LRRC43: variants seen among roughly 807,000 people sequenced by gnomAD.
LRRC43 encodes leucine rich repeat containing 43.
LRRC43 carries 62 observed loss-of-function variants against 64.3 expected under a neutral mutation model. That is an observed-to-expected ratio of 0.96 (90% CI 0.79 to 1.19). The LOEUF (loss-of-function observed/expected upper bound fraction) is 1.19, where lower values mean the gene tolerates loss of function less well. LRRC43 is among the 50% of genes most tolerant of loss of function. LRRC43 has a pLI of 0.00. For missense variants in LRRC43, 868 were observed against 845.0 expected (o/e 1.03, Z -0.34); for synonymous variants, 422 against 382.3 (o/e 1.10, Z -1.21).
Position 122,203,356 on chromosome 12 carries a change from C to A in LRRC43, c.1885C>A (p.His629Asn). Residue 629 changes from histidine to asparagine, a missense_variant, in exon 12 of 12, where the codon CAC becomes AAC. Transcript: ENST00000339777. Reference protein sequence around the residue: ...AVIPIYEGDYHPEPLTVEVQI... With the variant: ...AVIPIYEGDYNPEPLTVEVQI... Reference sequence around the variant, plus strand: ...GATTCCGATCTACGAAGGCGATTACCACCCTGAGCCCCTGACCGTAGAGGT... The same window carrying A: ...GATTCCGATCTACGAAGGCGATTACAACCCTGAGCCCCTGACCGTAGAGGT... 1.2e-6 allele frequency: 2 copies of A among 1,613,420 alleles called. No homozygotes were observed. The highest frequency in any genetic ancestry group is 1.7e-6 in the Non-Finnish European group (2 of 1,179,942).
At chr12:122,172,656 T>C (rs1953496779) in intron 1 of LRRC43, 1 of 1,614,040 alleles carries the variant, frequency 6.2e-7, no homozygotes, top group Non-Finnish European at 8.5e-7. Flanking sequence ...GGCTGGGCTG[T>C]GGATGTTGTT....
Position 122,184,731 on chromosome 12 carries a change from C to T in LRRC43, c.363C>T (p.Asp121=), listed in dbSNP as rs761218989. The change falls in exon 2 of 12, where the codon GAC becomes GAT. Residue 121 remains aspartate (D), a synonymous_variant. Transcript: ENST00000339777. This position sits in a 1 kb window ranked among gnomAD's most constrained non-coding sequence, Gnocchi z 4.0. ...LAIRNPLTIT[D]TFFYSYFRSL... ...TCCGGAACCCGCTGACGATCACAGACACCTTCTTCTACTCCTACTTCCGGT... is the reference window on the plus strand; with the variant it reads ...TCCGGAACCCGCTGACGATCACAGATACCTTCTTCTACTCCTACTTCCGGT... 5 of 1,613,182 alleles carry T rather than the reference C, an allele frequency of 3.1e-6. No homozygotes were observed. The East Asian group carries it at 1.1e-4, about 36-fold the overall frequency.
chr12:122,186,938 A>G (rs972474609), intron 3 of LRRC43, among the ~76,000 whole-genome samples: 6 of 151,564 alleles, frequency 4.0e-5, no homozygotes, highest in African/African-American at 1.5e-4. Context: ...TCCATTCAAT[A>G]GAATGCTATT....
chr12:122,169,747 A>G (rs556447490), intron 1 of LRRC43, among the ~76,000 whole-genome samples: 2 of 149,758 alleles, frequency 1.3e-5, no homozygotes, highest in Admixed American at 6.7e-5. Flanking sequence ...AAAGAATTCT[A>G]TAAGGAACAT....
Position 122,200,477 on chromosome 12 carries a change from C to A in LRRC43, c.1492-55C>A. The A allele has an allele frequency of 6.2e-7, 1 of 1,611,444 alleles. No individual in the cohort carries two copies. Among genetic ancestry groups the A allele is most frequent in the Non-Finnish European group, 8.5e-7 (1 of 1,177,864 alleles). On this transcript the variant is annotated intron_variant, in intron 8 of 11. Coordinates refer to ENST00000339777, the MANE Select transcript of LRRC43 (RefSeq NM_001098519.2). The surrounding 1 kb of genome is among the most constrained non-coding windows in gnomAD (Gnocchi z 4.6). ...TCCAGAAAGGGTGAGGGAGAGGTGA[C>A]CCCAGGCAGCCCGCCTGGGCCTCTG...
Position 122,190,352 on chromosome 12 carries a change from G to C in LRRC43, c.885G>C (p.Gly295=), listed in dbSNP as rs376552948. The change falls in exon 5 of 12, where the codon GGG becomes GGC. Residue 295 remains glycine (G), a synonymous_variant. Transcript: ENST00000339777. ...VSPNEKHLFR[G]LSLNGDLLAQ... ...CCAATGAGAAGCATCTCTTCCGGGG[G>C]CTCAGCCTCAATGGCGGTGAGGGTA... 17 of 1,613,588 alleles carry C rather than the reference G, an allele frequency of 1.1e-5. No individual in the cohort carries two copies. Among genetic ancestry groups the C allele is most frequent in the East Asian group, 2.2e-5 (1 of 44,874 alleles).
upstream of LRRC43, among the ~76,000 whole-genome samples, chr12:122,178,322 C>T (rs1417265785): frequency 1.3e-5 from 2 of 152,146 alleles, no homozygotes; most frequent in East Asian, 3.9e-4. Flanking sequence ...AACAACCTCT[C>T]CTGTAACAAC....
At chr12:122,170,099 G>A (rs1011103635) in intron 1 of LRRC43, among the ~76,000 whole-genome samples, 13 of 152,064 alleles carry the variant, frequency 8.5e-5, no homozygotes, top group African/African-American at 1.7e-4. Context: ...GAGACACCAC[G>A]GCTGGCCCAA....
chr12:122,173,800 A>AT, intron 1 of LRRC43: 2 of 1,580,348 alleles, frequency 1.3e-6, no homozygotes, highest in Non-Finnish European at 1.7e-6. Context: ...AATGGAAGGC[A>AT]TTTTTAAGAA....
In LRRC43 at chr12:122,200,318, C is replaced by T. The variant is rs770892060; in HGVS notation, c.1479C>T (p.Ile493=). 6.2e-6 allele frequency: 10 copies of T among 1,610,946 alleles called. No homozygotes were observed. The Admixed American group carries it at 6.7e-5, about 11-fold the overall frequency. The change falls in exon 8 of 12, where the codon ATC becomes ATT. Residue 493 remains isoleucine, a synonymous_variant. Transcript: ENST00000339777. This position sits in a 1 kb window ranked among gnomAD's most constrained non-coding sequence, Gnocchi z 4.6. ...AFLLAGTTVT[I]VEEKILSWPV... ...TGCTGGCGGGGACCACCGTGACCATCGTGGAGGAGAAGGTGGGCAGGCGGA... is the reference window on the plus strand; with the variant it reads ...TGCTGGCGGGGACCACCGTGACCATTGTGGAGGAGAAGGTGGGCAGGCGGA...
Position 122,190,270 on chromosome 12 carries a change from G to A in LRRC43, c.803G>A (p.Gly268Asp), listed in dbSNP as rs1187168781. Residue 268 changes from glycine (G) to aspartate (D), a missense_variant, in exon 5 of 12, where the codon GGC becomes GAC. Gly to Asp is a moderately conservative substitution (Grantham distance 94). Coordinates refer to ENST00000339777, the MANE Select transcript of LRRC43 (RefSeq NM_001098519.2). ...CTGGCCTTGGTGCCCTACTACCGCG[G>A]CCTCACCATCGACAGCCTGGCCCAG... ...NPLALVPYYR[G>D]LTIDSLAQLC... 1 of 1,614,164 alleles carries A rather than the reference G, an allele frequency of 6.2e-7. No individual in the cohort carries two copies. Among genetic ancestry groups the A allele is most frequent in the Admixed American group, 1.7e-5 (1 of 60,024 alleles).
chr12:122,190,262 CTACCGCGG>C lies in LRRC43; in HGVS notation c.796_803del (p.Tyr266ProfsTer21). The C allele has an allele frequency of 1.2e-6, 2 of 1,614,210 alleles. No individual in the cohort carries two copies. Among genetic ancestry groups the C allele is most frequent in the Non-Finnish European group, 1.7e-6 (2 of 1,180,044 alleles). ...GAAACCCACTGGCCTTGGTGCCCTA[CTACCGCGG>C]CCTCACCATCGACAGCCTGGCCCAG... On this transcript the variant is annotated frameshift_variant, in exon 5 of 12. Coordinates refer to ENST00000339777, the MANE Select transcript of LRRC43 (RefSeq NM_001098519.2). LOFTEE classifies it high-confidence loss of function.
chr12:122,191,278 G>A (rs1953714764), intron 5 of LRRC43, 102 bp from the exon 6 acceptor site: 2 of 986,808 alleles, frequency 2.0e-6, no homozygotes, highest in Admixed American at 5.4e-5. Flanking sequence ...AGCCCTGAGT[G>A]CTGGAGAGAA....
Position 122,191,492 on chromosome 12 carries a change from C to G in LRRC43, c.1014C>G (p.Tyr338Ter), listed in dbSNP as rs377355304. The G allele has an allele frequency of 3.1e-6, 5 of 1,614,126 alleles. No homozygotes were observed. The East Asian group carries it at 8.9e-5, about 29-fold the overall frequency. The change falls in exon 6 of 12, where the codon TAC (tyrosine) becomes TAG (stop). Residue 338 changes from tyrosine (Y) to a stop codon, truncating the protein, a stop_gained. Coordinates refer to ENST00000339777, the MANE Select transcript of LRRC43 (RefSeq NM_001098519.2). LOFTEE classifies it high-confidence loss of function. ...EPRPEGPFIT[Y>*]NYYVTYDFVK... ...GGCCCGAAGGCCCTTTCATCACTTACAACTATTACGTGACCTATGATTTTG... is the reference window on the plus strand; with the variant it reads ...GGCCCGAAGGCCCTTTCATCACTTAGAACTATTACGTGACCTATGATTTTG...
At chr12:122,195,614 AT>A (rs1406421229) in intron 7 of LRRC43, among the ~76,000 whole-genome samples, 1 of 151,940 alleles carries the variant, frequency 6.6e-6, no homozygotes, top group Non-Finnish European at 1.5e-5. Flanking sequence ...TCAGCTGTTC[AT>A]CTTATTGGGA....
chr12:122,175,265 G>C (rs1310377584), intron 1 of LRRC43, among the ~76,000 whole-genome samples: 2 of 151,912 alleles, frequency 1.3e-5, no homozygotes, highest in Non-Finnish European at 2.9e-5. Flanking sequence ...CACTTCCCAG[G>C]TTCAAGCAAT....
At chr12:122,172,394 C>A in intron 1 of LRRC43, 1 of 1,580,948 alleles carries the variant, frequency 6.3e-7, no homozygotes, top group Non-Finnish European at 8.6e-7. Context: ...CCTGCCAATC[C>A]GAAAGGAAGA....
At chr12:122,195,519 G>A (rs1055991859) in intron 7 of LRRC43, among the ~76,000 whole-genome samples, 2 of 152,150 alleles carry the variant, frequency 1.3e-5, no homozygotes, top group Non-Finnish European at 2.9e-5. Context: ...GAGATTACAG[G>A]TGTGAGCCAC....
chr12:122,184,646 C>G lies in LRRC43; in HGVS notation c.278C>G (p.Ser93Cys), dbSNP rs777230754. Residue 93 changes from serine (S) to cysteine (C), a missense_variant, in exon 2 of 12, where the codon TCC (serine) becomes TGC (cysteine). Coordinates refer to ENST00000339777, the MANE Select transcript of LRRC43 (RefSeq NM_001098519.2). The surrounding 1 kb of genome is among the most constrained non-coding windows in gnomAD (Gnocchi z 4.0). Reference sequence around the variant, plus strand: ...CTGGGCCTGGTCCGCAGCCGCCACTCCCCCTGGGCTCTGCTGAACAACTCG... The same window carrying G: ...CTGGGCCTGGTCCGCAGCCGCCACTGCCCCTGGGCTCTGCTGAACAACTCG... ...ALLGLVRSRH[S>C]PWALLNNSNA... is the part of the protein sequence containing the mutation. 1.9e-6 allele frequency: 3 copies of G among 1,613,982 alleles called. No homozygotes were observed. Among genetic ancestry groups the G allele is most frequent in the Admixed American group, 3.3e-5 (2 of 60,018 alleles).
Sources: gnomAD v4.1 joint callset for allele counts (sites outside exome capture counted in the v4.1 genomes callset) on GRCh38, gnomAD v4.1.1 for gene constraint, Gnocchi (gnomAD v3.1) non-coding constraint, MANE v1.5 for transcripts, NCBI Gene and HGNC (gene_info 2026-07-23, HGNC 2026-07-21) for gene names.